COL25A1: variants seen among roughly 807,000 people sequenced by gnomAD.
COL25A1 encodes the protein collagen type XXV alpha 1 chain.
Under a neutral mutation model 128.4 loss-of-function variants are expected in COL25A1, and 103 were observed. The observed-to-expected ratio is 0.80, with a 90% CI of 0.68 to 0.94. The LOEUF (loss-of-function observed/expected upper bound fraction) is 0.94. Ranked by LOEUF, COL25A1 falls within the 40% of genes least tolerant of loss-of-function variation. The pLI is 0.00. For synonymous variants in COL25A1, 279 were observed against 277.2 expected (o/e 1.01, Z -0.06); for missense variants, 745 against 840.0 (o/e 0.89, Z 1.40).
rs77363621 is a variant in COL25A1, at chr4:109,195,592, A to G, written c.367+104991T>C. Among the ~76,000 whole-genome samples the G allele has an allele frequency of 8.5e-3, 1,287 of 152,296 alleles. 58 individuals are homozygous for G. In the South Asian group the frequency reaches 0.14, roughly 16 times the overall value. ...TGTACAAATGGGAGAACCAAGTTGA[A>G]CATGAGTCAACTTCTCATTACTAGA... On this transcript the variant is annotated intron_variant, in intron 3 of 37. Transcript: ENST00000399132.
rs763813147 is a variant in COL25A1, at chr4:109,266,653, CA to C, written c.367+33929del. Among the ~76,000 whole-genome samples the C allele has an allele frequency of 0.012, 1,635 of 133,956 alleles. 59 individuals are homozygous for C. The South Asian group carries it at 0.15, about 12-fold the overall frequency. The allele number at this position is 133,956 out of a possible 152,430, so 87.9% of individuals were successfully genotyped here. A position where few individuals can be genotyped will look rare whatever the true frequency, so the allele number is the denominator to read the frequency against. ...TAATGTTTACATCCATTACTACGAC[CA>C]AAAAAAAAAAAAGTATTCATTGTAG... On this transcript the variant is annotated intron_variant, in intron 3 of 37. Coordinates refer to ENST00000399132, the MANE Select transcript of COL25A1 (RefSeq NM_198721.4).
chr4:108,824,138 A>T, intron 35 of COL25A1, 36 bp downstream of exon 35: 2 of 1,614,072 alleles, frequency 1.2e-6, no homozygotes, highest in Non-Finnish European at 1.7e-6. Context: ...GCAGGAGAAG[A>T]ATCAAACAAG....
At chr4:108,861,775 T>C (rs1432430422) in intron 22 of COL25A1, among the ~76,000 whole-genome samples, 1 of 152,202 alleles carries the variant, frequency 6.6e-6, no homozygotes, top group African/African-American at 2.4e-5. Flanking sequence ...CTTAAATTGA[T>C]AGGGTTCTTT....
In COL25A1 at chr4:109,211,780, C is replaced by T. The variant is rs79871250; in HGVS notation, c.367+88803G>A. 1.6e-3 allele frequency among the ~76,000 whole-genome samples: 236 copies of T among 152,134 alleles called. 6 individuals carry two copies. In the East Asian group the frequency reaches 0.019, roughly 12 times the overall value. On this transcript the variant is annotated intron_variant, in intron 3 of 37. Coordinates refer to ENST00000399132, the MANE Select transcript of COL25A1 (RefSeq NM_198721.4). ...TTAACTGTTTAACCTCTTTCCAAAC[C>T]CTAAGGAACCCAAAGATCCAACTGG...
intron 8 of COL25A1, among the ~76,000 whole-genome samples, chr4:108,964,513 T>A (rs1751083747): frequency 6.6e-6 from 1 of 152,074 alleles, no homozygotes; most frequent in South Asian, 2.1e-4. Context: ...ATATACAAGA[T>A]TTAAAGTGAC....
chr4:109,144,732 T>C (rs1008412789), intron 3 of COL25A1, among the ~76,000 whole-genome samples: 7 of 152,192 alleles, frequency 4.6e-5, no homozygotes, highest in African/African-American at 1.7e-4. Flanking sequence ...TCTAAGTCCA[T>C]GGCCCACTCA....
intron 3 of COL25A1, among the ~76,000 whole-genome samples, chr4:109,055,922 T>C (rs560436010): frequency 6.6e-6 from 1 of 152,356 alleles, no homozygotes; most frequent in South Asian, 2.1e-4. Flanking sequence ...CAGCATGTAC[T>C]CCACTATACA....
At chr4:108,989,227 G>A (rs1753941620) in intron 6 of COL25A1, among the ~76,000 whole-genome samples, 1 of 152,270 alleles carries the variant, frequency 6.6e-6, no homozygotes, top group South Asian at 2.1e-4. Flanking sequence ...AAGTGGAGCA[G>A]AAGCTGGATT....
chr4:109,026,897 A>T (rs1451249505), intron 5 of COL25A1, among the ~76,000 whole-genome samples: 1 of 152,258 alleles, frequency 6.6e-6, no homozygotes, highest in African/African-American at 2.4e-5. Context: ...GAGAAGAAAG[A>T]AAGTGAGAAT....
chr4:109,089,641 T>C (rs1286892044), intron 3 of COL25A1, among the ~76,000 whole-genome samples: 1 of 152,216 alleles, frequency 6.6e-6, no homozygotes, highest in Non-Finnish European at 1.5e-5. Context: ...GATCTTGCTC[T>C]GTCACCCTGG....
At position 108,974,766 on chromosome 4, in the gene COL25A1, ATCATG is replaced by A. The variant is rs531612182; in HGVS notation, c.439-212_439-208del. On this transcript the variant is annotated intron_variant, in intron 6 of 37. Coordinates refer to ENST00000399132, the MANE Select transcript of COL25A1 (RefSeq NM_198721.4). The stretch of plus-strand genomic sequence containing the variant: ...TGTTTGTGCATGTATACCTGTACAT[ATCATG>A]TCATAAGTACATAATATGCTCAATA... 2.2e-4 allele frequency among the ~76,000 whole-genome samples: 34 copies of A among 152,308 alleles called. 1 individual carries two copies. The South Asian group carries it at 2.5e-3, about 11-fold the overall frequency.
chr4:109,225,845 C>G (rs1464708271), intron 3 of COL25A1, among the ~76,000 whole-genome samples: 1 of 151,722 alleles, frequency 6.6e-6, no homozygotes, highest in African/African-American at 2.4e-5. Context: ...TAAAATGGAA[C>G]ACTATTGTAT....
chr4:108,855,547 T>C (rs1736389558), intron 24 of COL25A1, among the ~76,000 whole-genome samples: 1 of 152,108 alleles, frequency 6.6e-6, no homozygotes, highest in Admixed American at 6.6e-5. Flanking sequence ...AAATTTGAGC[T>C]CTCTGAGGTT....
At chr4:108,861,272 C>T (rs541053705) in intron 22 of COL25A1, among the ~76,000 whole-genome samples, 1 of 152,254 alleles carries the variant, frequency 6.6e-6, no homozygotes, top group East Asian at 1.9e-4. Context: ...CTATGGCACC[C>T]AAAGTAAGCT....
At chr4:109,280,705 C>T (rs1459048989) in intron 3 of COL25A1, among the ~76,000 whole-genome samples, 3 of 150,910 alleles carry the variant, frequency 2.0e-5, no homozygotes, top group African/African-American at 4.9e-5. Context: ...CAGGCTGGAG[C>T]GCAATGGCAA....
chr4:108,978,596 A>C (rs1752664432), intron 6 of COL25A1, among the ~76,000 whole-genome samples: 1 of 152,360 alleles, frequency 6.6e-6, no homozygotes, highest in Non-Finnish European at 1.5e-5. Context: ...AAGGATAGGC[A>C]GCAATAAAAA....
chr4:109,144,635 C>T (rs2704110), intron 3 of COL25A1, among the ~76,000 whole-genome samples: 95,831 of 152,030 alleles, frequency 0.63, 30,693 homozygotes, highest in East Asian at 0.75. Context: ...GCCAAATATA[C>T]TTGGGGAAAA....
chr4:109,046,310 C>A (rs1338886965), intron 5 of COL25A1, among the ~76,000 whole-genome samples: 1 of 152,158 alleles, frequency 6.6e-6, no homozygotes, highest in Non-Finnish European at 1.5e-5. Flanking sequence ...CAATTGACAT[C>A]TTTAGGTAGA....
chr4:108,928,670 G>C lies in COL25A1; in HGVS notation c.709-8066C>G, dbSNP rs139006670. ...CGATCCTCCTGTCTCAGCCCCATAA[G>C]TAGCTGGGACTACACGCATGAGCCA... On this transcript the variant is annotated intron_variant, in intron 11 of 37. Coordinates refer to ENST00000399132, the MANE Select transcript of COL25A1 (RefSeq NM_198721.4). Among the ~76,000 whole-genome samples the C allele has an allele frequency of 8.5e-4, 129 of 152,160 alleles. 2 individuals are homozygous for C. The highest frequency in any genetic ancestry group is 6.2e-4 in the Non-Finnish European group (42 of 67,996).
Sources: allele counts gnomAD v4.1 joint callset (sites outside exome capture counted in the v4.1 genomes callset), GRCh38; gene constraint gnomAD v4.1.1; transcripts MANE v1.5; gene names NCBI Gene and HGNC (gene_info 2026-07-23, HGNC 2026-07-21).